Variants in RBFOX1 observed in about 807,000 individuals in gnomAD.
RBFOX1 encodes the protein RNA binding protein fox-1 homolog 1.
RBFOX1 carries 8 observed loss-of-function variants against 57.7 expected under a neutral mutation model. The ratio of observed to expected loss-of-function variants is 0.14; its 90% CI spans 0.08 to 0.25. The LOEUF is 0.25. RBFOX1 is among the 10% of genes least tolerant of loss of function. RBFOX1 has a pLI of 1.00. For synonymous variants in RBFOX1, 326 were observed against 222.4 expected (o/e 1.47, Z -4.15); for missense variants, 611 against 548.5 (o/e 1.11, Z -1.14).
At chr16:7,709,268 C>T (rs1250860181) in intron 15 of RBFOX1, 137 bp downstream of exon 15, 3 of 947,410 alleles carry the variant, frequency 3.2e-6, no homozygotes, top group Admixed American at 6.0e-5. Flanking sequence ...AGCTAAAATG[C>T]CACATTAATC....
chr16:7,255,806 A>T (rs190241875), intron 4 of RBFOX1, among the ~76,000 whole-genome samples: 1 of 152,328 alleles, frequency 6.6e-6, no homozygotes, highest in Admixed American at 6.5e-5. Flanking sequence ...TTTTTGTGCT[A>T]AATCTTCAAT....
chr16:7,083,302 G>A (rs1036074221), intron 4 of RBFOX1, among the ~76,000 whole-genome samples: 4 of 151,886 alleles, frequency 2.6e-5, no homozygotes, highest in African/African-American at 9.7e-5. Context: ...TTGTGTCACA[G>A]TGATAAAATG....
At chr16:6,829,457 T>C (rs1019293349) in intron 3 of RBFOX1, among the ~76,000 whole-genome samples, 3 of 142,702 alleles carry the variant, frequency 2.1e-5, no homozygotes, top group Admixed American at 7.2e-5. Flanking sequence ...GGTCTGTCCA[T>C]GCAATGAAAT....
chr16:6,948,511 T>G (rs2080031620), intron 3 of RBFOX1, among the ~76,000 whole-genome samples: 3 of 150,030 alleles, frequency 2.0e-5, no homozygotes, highest in Non-Finnish European at 3.0e-5. Flanking sequence ...GCCTCCCAAG[T>G]AGCTTGGACT....
intron 3 of RBFOX1, among the ~76,000 whole-genome samples, chr16:6,737,107 T>C (rs930087183): frequency 1.3e-5 from 2 of 152,182 alleles, no homozygotes; most frequent in African/African-American, 4.8e-5. Context: ...AGTAAGATAG[T>C]CCCTGCCTTC....
chr16:6,038,203 C>T (rs1340186029), intron 1 of RBFOX1: 1 of 146,030 alleles, frequency 6.8e-6, no homozygotes, highest in Non-Finnish European at 1.5e-5. Flanking sequence ...TTTGAGATGG[C>T]ATCTAACTCA....
chr16:6,012,353 G>A (rs2094966481), intron 4 of RBFOX1, among the ~76,000 whole-genome samples: 1 of 152,162 alleles, frequency 6.6e-6, no homozygotes, highest in African/African-American at 2.4e-5. Flanking sequence ...TAGTAGTTCT[G>A]TTACCACCAC....
chr16:6,852,920 C>T (rs949504337), intron 3 of RBFOX1, among the ~76,000 whole-genome samples: 2 of 152,190 alleles, frequency 1.3e-5, no homozygotes, highest in African/African-American at 4.8e-5. Context: ...TGGGAACTAG[C>T]TGTCCATGCA....
chr16:5,987,090 C>A (rs573543497), intron 4 of RBFOX1, among the ~76,000 whole-genome samples: 57 of 152,070 alleles, frequency 3.7e-4, no homozygotes, highest in Non-Finnish European at 7.2e-4. Flanking sequence ...AGTGATATTG[C>A]CTTTTGAATT....
chr16:6,077,703 T>TATTTATTTATTTATTC (rs1160247711), intron 1 of RBFOX1, among the ~76,000 whole-genome samples: 1 of 151,640 alleles, frequency 6.6e-6, no homozygotes, highest in East Asian at 1.9e-4. Context: ...TTTATTTATT[T>TATTTATTTATTTATTC]ATTTATTCAT....
At chr16:6,808,320 T>G (rs963935273) in intron 3 of RBFOX1, among the ~76,000 whole-genome samples, 1 of 152,016 alleles carries the variant, frequency 6.6e-6, no homozygotes, top group African/African-American at 2.4e-5. Flanking sequence ...ACCCCACCAC[T>G]GATTCCCATC....
chr16:5,843,681 G>C (rs926752086), intron 3 of RBFOX1, among the ~76,000 whole-genome samples: 2 of 152,210 alleles, frequency 1.3e-5, no homozygotes, highest in African/African-American at 4.8e-5. Context: ...AAGCAAGGTA[G>C]CCATGTTATA....
intron 4 of RBFOX1, among the ~76,000 whole-genome samples, chr16:7,114,513 T>C (rs893395436): frequency 2.6e-5 from 4 of 152,186 alleles, no homozygotes; most frequent in Admixed American, 2.0e-4. Context: ...AAATTAGCAG[T>C]GGAACATGGT....
At chr16:5,765,418 G>C (rs896796638) in intron 3 of RBFOX1, among the ~76,000 whole-genome samples, 2 of 152,140 alleles carry the variant, frequency 1.3e-5, no homozygotes, top group African/African-American at 2.4e-5. Flanking sequence ...ACTCTTACCA[G>C]CAAATGATAA....
At chr16:6,245,994 C>G (rs1051797130) in intron 1 of RBFOX1, among the ~76,000 whole-genome samples, 1 of 152,162 alleles carries the variant, frequency 6.6e-6, no homozygotes, top group Admixed American at 6.5e-5. Flanking sequence ...TCTAAATGCT[C>G]TTTAACTTCA....
In RBFOX1 at chr16:7,403,564, C is replaced by T. The variant is rs546144210; in HGVS notation, c.28-114583C>T. 2.0e-4 allele frequency among the ~76,000 whole-genome samples: 7 copies of T among 34,210 alleles called. 1 individual carries two copies. In the East Asian group the frequency reaches 2.5e-3, roughly 12 times the overall value. The allele number at this position is 34,210 out of a possible 152,430, so 22.4% of individuals were successfully genotyped here. ...CCATATTATTGCAAATGAGAGAATC[C>T]CCCCCCCCCCACTTTTTTTTTGCCC... On this transcript the variant is annotated intron_variant, in intron 4 of 15. Transcript: ENST00000550418.
In RBFOX1 at chr16:5,479,733, C is replaced by G. The variant is rs116473886; in HGVS notation, c.258+12479C>G. Among the ~76,000 whole-genome samples the G allele has an allele frequency of 7.4e-3, 1,124 of 152,006 alleles. 13 individuals are homozygous for G. The highest frequency in any genetic ancestry group is 0.025 in the African/African-American group (1,053 of 41,486). On this transcript the variant is annotated intron_variant, in intron 2 of 2. Coordinates refer to the RBFOX1 transcript ENST00000585867. ...AAGATCGCGCCATTCCAGCCTGAGA[C>G]AAGAACGAAACTCCATCCCCGCCCC...
chr16:7,616,342 C>G (rs1308014999), intron 10 of RBFOX1, among the ~76,000 whole-genome samples: 2 of 152,218 alleles, frequency 1.3e-5, no homozygotes, highest in Non-Finnish European at 2.9e-5. Context: ...TGTGACAGCA[C>G]AGGCATAGTG....
chr16:7,391,009 C>A (rs1018456485), intron 4 of RBFOX1, among the ~76,000 whole-genome samples: 2 of 152,070 alleles, frequency 1.3e-5, no homozygotes, highest in Admixed American at 1.3e-4. Flanking sequence ...TCCTTGCTGA[C>A]CCTCGTGCTT....
Sources: allele counts gnomAD v4.1 joint callset (sites outside exome capture counted in the v4.1 genomes callset), GRCh38; gene constraint gnomAD v4.1.1; transcripts MANE v1.5; gene names NCBI Gene and HGNC (gene_info 2026-07-23, HGNC 2026-07-21).